DUSP10: variants seen among roughly 807,000 people sequenced by gnomAD.
The protein encoded by DUSP10 is dual specificity phosphatase 10, also known as dual specificity protein phosphatase 10.
A neutral mutation model predicts 30.8 loss-of-function variants in DUSP10; 14 were observed. The ratio of observed to expected loss-of-function variants is 0.46; its 90% CI spans 0.30 to 0.71. DUSP10 has a LOEUF of 0.71. DUSP10 is among the 30% of genes least tolerant of loss of function. DUSP10 has a pLI of 0.08. For synonymous variants in DUSP10, 254 were observed against 250.4 expected (o/e 1.01, Z -0.14); for missense variants, 550 against 619.4 (o/e 0.89, Z 1.19).
rs966978931 is a variant in DUSP10 at position 221,706,048 on chromosome 1, G to A, written c.1183+47C>T. 6.3e-6 allele frequency: 10 copies of A among 1,577,978 alleles called. No individual in the cohort carries two copies. In the African/African-American group the frequency reaches 1.4e-4, roughly 21 times the overall value. ...ACTTGATATCAAAGCAAGAGCTGGA[G>A]GGAAAAGGAAGGCAGCGGATGAAAA... is the stretch of plus-strand genomic sequence containing the variant. On this transcript the variant is annotated intron_variant, in intron 3 of 3. Transcript: ENST00000366899. This position sits in a 1 kb window ranked among gnomAD's most constrained non-coding sequence, Gnocchi z 4.6.
intron 2 of DUSP10, among the ~76,000 whole-genome samples, chr1:221,734,794 C>T (rs1284734927): frequency 6.6e-6 from 1 of 152,134 alleles, no homozygotes; most frequent in Non-Finnish European, 1.5e-5. Context: ...GGATGTTAAC[C>T]AGAGGCTCAG....
At chr1:221,729,878 T>C (rs541594697) in intron 2 of DUSP10, among the ~76,000 whole-genome samples, 1 of 152,360 alleles carries the variant, frequency 6.6e-6, no homozygotes, top group South Asian at 2.1e-4. Flanking sequence ...GTCCTCTATC[T>C]CTTCAGGGAA....
At chr1:221,717,356 G>A (rs1661135222) in intron 2 of DUSP10, among the ~76,000 whole-genome samples, 1 of 151,952 alleles carries the variant, frequency 6.6e-6, no homozygotes, top group Non-Finnish European at 1.5e-5. Flanking sequence ...CTCTTAGGCA[G>A]GTTTTATTCT....
intron 2 of DUSP10, among the ~76,000 whole-genome samples, chr1:221,717,217 A>C (rs1661131117): frequency 6.6e-6 from 1 of 152,158 alleles, no homozygotes; most frequent in Non-Finnish European, 1.5e-5. Flanking sequence ...TGGGAAAGGC[A>C]GGGAACTCAG....
chr1:221,736,705 C>A, intron 2 of DUSP10: 1 of 714,870 alleles, frequency 1.4e-6, no homozygotes, highest in Non-Finnish European at 1.7e-6. Context: ...CAATTTTAGG[C>A]CATTCTCCCA....
At chr1:221,720,938 G>A (rs1338422487) in intron 2 of DUSP10, among the ~76,000 whole-genome samples, 4 of 152,138 alleles carry the variant, frequency 2.6e-5, no homozygotes, top group Non-Finnish European at 1.5e-5. Context: ...ATTAAAGTGT[G>A]GACCCCAAGA....
Position 221,739,207 on chromosome 1 carries a change from A to T in DUSP10, c.538T>A (p.Phe180Ile). ...ATGTGACTCTTGTTGTACTCCATGA[A>T]GGGCCTGCAGTCAATGATGACAGGG... ...QGPVIIDCRP[F>I]MEYNKSHIQG... Residue 180 changes from phenylalanine (F) to isoleucine (I), a missense_variant, in exon 2 of 4, where the codon TTC (phenylalanine) becomes ATC (isoleucine). Transcript: ENST00000366899. The T allele has an allele frequency of 1.2e-6, 2 of 1,614,190 alleles. No individual in the cohort carries two copies. Among genetic ancestry groups the T allele is most frequent in the Non-Finnish European group, 1.7e-6 (2 of 1,180,040 alleles).
intron 2 of DUSP10, among the ~76,000 whole-genome samples, chr1:221,717,993 A>G (rs781542751): frequency 2.6e-5 from 4 of 151,992 alleles, no homozygotes; most frequent in Non-Finnish European, 4.4e-5. Flanking sequence ...GAAGAGCCAC[A>G]CTAAAACTTG....
intron 2 of DUSP10, among the ~76,000 whole-genome samples, chr1:221,707,469 C>G (rs1032515150): frequency 6.6e-6 from 1 of 152,182 alleles, no homozygotes; most frequent in Non-Finnish European, 1.5e-5. Context: ...TTTGAGCTTA[C>G]GGCTCTGCTC....
rs552235024 is a variant in DUSP10, at chr1:221,709,135, T to C, written c.812-2669A>G. Among the ~76,000 whole-genome samples, 5 of 152,272 alleles carry C rather than the reference T, an allele frequency of 3.3e-5. No individual in the cohort carries two copies. In the East Asian group the frequency reaches 7.7e-4, roughly 23 times the overall value. ...AGCTGGAGGCTCCCCACCTGCCCAG[T>C]TGCCATAGCAGTTACACAAAGACAT... On this transcript the variant is annotated intron_variant, in intron 2 of 3. Coordinates refer to ENST00000366899, the MANE Select transcript of DUSP10 (RefSeq NM_007207.6).
chr1:221,739,149 T>G lies in DUSP10; in HGVS notation c.596A>C (p.Lys199Thr). 6.2e-7 allele frequency: 1 copy of G among 1,614,250 alleles called. No individual in the cohort carries two copies. The highest frequency in any genetic ancestry group is 1.6e-4 in the Middle Eastern group (1 of 6,062). ...CTGCTGCAGTCTCCGCCGGCTGATC[T>G]TATCGGCACAGTTAATGTGGACAGC... The part of the protein sequence containing the change: ...QGAVHINCAD[K>T]ISRRRLQQGK... Residue 199 changes from lysine (K) to threonine (T), a missense_variant, in exon 2 of 4, where the codon AAG (lysine) becomes ACG (threonine). Coordinates refer to ENST00000366899, the MANE Select transcript of DUSP10 (RefSeq NM_007207.6).
chr1:221,736,933 C>G, intron 2 of DUSP10: 1 of 985,452 alleles, frequency 1.0e-6, no homozygotes. Flanking sequence ...CCAGGGCGCC[C>G]AGTGGTGAGG....
chr1:221,726,181 G>A (rs1247873151), intron 2 of DUSP10, among the ~76,000 whole-genome samples: 1 of 152,120 alleles, frequency 6.6e-6, no homozygotes, highest in Non-Finnish European at 1.5e-5. Context: ...AAAGAGAATT[G>A]GGGGGAAAAA....
At chr1:221,733,515 G>C (rs1349578681) in intron 2 of DUSP10, among the ~76,000 whole-genome samples, 1 of 152,144 alleles carries the variant, frequency 6.6e-6, no homozygotes, top group Non-Finnish European at 1.5e-5. Flanking sequence ...TACTTAACAG[G>C]CTCCCACAGT....
intron 2 of DUSP10, chr1:221,737,319 T>C (rs944850858): frequency 1.0e-6 from 1 of 985,298 alleles, no homozygotes; most frequent in African/African-American, 1.7e-5. Flanking sequence ...TATCCTCCTC[T>C]TTGCTCCCCA....
At chr1:221,732,498 G>C (rs1661642599) in intron 2 of DUSP10, among the ~76,000 whole-genome samples, 1 of 152,138 alleles carries the variant, frequency 6.6e-6, no homozygotes. Context: ...AAGAAAAAAG[G>C]CATCAGTACT....
intron 2 of DUSP10, among the ~76,000 whole-genome samples, chr1:221,723,530 G>T (rs1196004476): frequency 6.6e-6 from 1 of 152,202 alleles, no homozygotes; most frequent in African/African-American, 2.4e-5. Context: ...ACAGGTTCAG[G>T]GGTTCCCAGG....
chr1:221,727,136 T>C (rs1661446038), intron 2 of DUSP10, among the ~76,000 whole-genome samples: 1 of 152,212 alleles, frequency 6.6e-6, no homozygotes, highest in Non-Finnish European at 1.5e-5. Flanking sequence ...GCAGCCTGGT[T>C]CCAGAATCTG....
At chr1:221,707,341 CCTGA>C (rs1660798043) in intron 2 of DUSP10, among the ~76,000 whole-genome samples, 1 of 152,126 alleles carries the variant, frequency 6.6e-6, no homozygotes, top group Non-Finnish European at 1.5e-5. Context: ...ATTTATCAAC[CCTGA>C]CTTTCAGTAG....
Sources: gnomAD v4.1 joint callset for allele counts (sites outside exome capture counted in the v4.1 genomes callset) on GRCh38, gnomAD v4.1.1 for gene constraint, Gnocchi (gnomAD v3.1) non-coding constraint, MANE v1.5 for transcripts, NCBI Gene and HGNC (gene_info 2026-07-23, HGNC 2026-07-21) for gene names.